The following PRKCA variants were observed in gnomAD, a reference collection of about 807,000 sequenced individuals.
The protein encoded by PRKCA is protein kinase C alpha type.
A neutral mutation model predicts 87.0 loss-of-function variants in PRKCA; 27 were observed. The observed-to-expected ratio is 0.31, with a 90% CI of 0.23 to 0.43. The LOEUF (loss-of-function observed/expected upper bound fraction) is 0.43, where lower values mean the gene tolerates loss of function less well. Among genes scored for constraint, PRKCA ranks in the 20% least tolerant of loss-of-function variants. The pLI is 1.00. For missense variants in PRKCA, 518 were observed against 852.3 expected (o/e 0.61, Z 4.88); for synonymous variants, 329 against 311.1 (o/e 1.06, Z -0.61).
At chr17:66,798,460 GGTGGT>G (rs1975741805) in intron 16 of PRKCA, among the ~76,000 whole-genome samples, 1 of 75,378 alleles carries the variant, frequency 1.3e-5, no homozygotes, top group Non-Finnish European at 2.6e-5. Flanking sequence ...TGACGGTGGT[GGTGGT>G]GGTGGTGGTG....
intron 8 of PRKCA, among the ~76,000 whole-genome samples, chr17:66,690,370 G>T (rs1319246956): frequency 6.6e-6 from 1 of 152,170 alleles, no homozygotes; most frequent in East Asian, 1.9e-4. Flanking sequence ...GTAAGCTTCA[G>T]CTCTGTCTGC....
chr17:66,480,225 T>G (rs924107882), intron 2 of PRKCA, among the ~76,000 whole-genome samples: 3 of 152,176 alleles, frequency 2.0e-5, no homozygotes, highest in African/African-American at 7.2e-5. Context: ...TTTTCCCCAG[T>G]TGCTCTCCAC....
intron 16 of PRKCA, among the ~76,000 whole-genome samples, chr17:66,794,578 A>C (rs67900763): frequency 0.16 from 23,903 of 148,342 alleles, 2,005 homozygotes; most frequent in African/African-American, 0.2. Flanking sequence ...ACATTTTAGC[A>C]TGTTCGTGTT....
intron 3 of PRKCA, among the ~76,000 whole-genome samples, chr17:66,505,619 G>A (rs1249727745): frequency 6.6e-6 from 1 of 152,134 alleles, no homozygotes; most frequent in East Asian, 1.9e-4. Flanking sequence ...ATTGTCTCGG[G>A]AGGCAGACAA....
At chr17:66,659,049 C>T (rs1446419709) in intron 5 of PRKCA, among the ~76,000 whole-genome samples, 1 of 152,206 alleles carries the variant, frequency 6.6e-6, no homozygotes, top group Non-Finnish European at 1.5e-5. Flanking sequence ...ATGGCTTAAC[C>T]TCTCTTTGTT....
chr17:66,506,119 A>C (rs1404925748), intron 3 of PRKCA, among the ~76,000 whole-genome samples: 1 of 152,106 alleles, frequency 6.6e-6, no homozygotes, highest in Non-Finnish European at 1.5e-5. Flanking sequence ...AACATGGTGA[A>C]ACTCCATCTC....
chr17:66,726,619 G>A (rs1973755729), intron 8 of PRKCA, among the ~76,000 whole-genome samples: 1 of 152,084 alleles, frequency 6.6e-6, no homozygotes, highest in Non-Finnish European at 1.5e-5. Flanking sequence ...GGAGTGGTGG[G>A]AAATAAGCCG....
At chr17:66,573,697 T>C (rs1034345802) in intron 3 of PRKCA, among the ~76,000 whole-genome samples, 5 of 152,246 alleles carry the variant, frequency 3.3e-5, no homozygotes, top group Non-Finnish European at 7.3e-5. Context: ...TTTGTTGTTG[T>C]TTTTAACAAG....
chr17:66,544,332 C>G (rs965282302), intron 3 of PRKCA, among the ~76,000 whole-genome samples: 14 of 152,132 alleles, frequency 9.2e-5, no homozygotes, highest in African/African-American at 3.4e-4. Context: ...CACTAGTATT[C>G]TAGGTCACCA....
intron 2 of PRKCA, among the ~76,000 whole-genome samples, chr17:66,463,388 T>G (rs979060418): frequency 4.0e-5 from 6 of 151,866 alleles, no homozygotes; most frequent in African/African-American, 1.5e-4. Flanking sequence ...CTGTGTTTTT[T>G]TTTTTTTAAA....
At chr17:66,416,791 A>G (rs567843184) in intron 2 of PRKCA, 1 of 152,314 alleles carries the variant, frequency 6.6e-6, no homozygotes, top group East Asian at 1.9e-4. Context: ...CTGTGTGTGG[A>G]CTGCACACCC....
At chr17:66,627,816 A>G (rs1311082315) in intron 3 of PRKCA, among the ~76,000 whole-genome samples, 1 of 152,198 alleles carries the variant, frequency 6.6e-6, no homozygotes, top group African/African-American at 2.4e-5. Context: ...TCCCCCCCCA[A>G]AAAATTGAAC....
At chr17:66,588,219 C>T (rs914139225) in intron 3 of PRKCA, among the ~76,000 whole-genome samples, 32 of 152,062 alleles carry the variant, frequency 2.1e-4, no homozygotes, top group Admixed American at 6.6e-4. Flanking sequence ...GAAGGTTAAA[C>T]ACCTTTTCAT....
At chr17:66,734,667 G>A (rs1973982072) in intron 9 of PRKCA, among the ~76,000 whole-genome samples, 3 of 152,214 alleles carry the variant, frequency 2.0e-5, no homozygotes, top group Non-Finnish European at 4.4e-5. Context: ...CTCATCCTGC[G>A]ACTAAGAATG....
chr17:66,738,687 A>C, intron 10 of PRKCA, 77 bp from the exon 11 acceptor site: 1 of 1,186,896 alleles, frequency 8.4e-7, no homozygotes, highest in Non-Finnish European at 1.2e-6. Flanking sequence ...GAGAAAGCAA[A>C]ACACAACCTG....
chr17:66,374,511 T>C (rs1171132513), intron 2 of PRKCA, among the ~76,000 whole-genome samples: 1 of 152,128 alleles, frequency 6.6e-6, no homozygotes, highest in Admixed American at 6.5e-5. Context: ...GGAGACTTGC[T>C]ATCTGATTTC....
intron 1 of PRKCA, among the ~76,000 whole-genome samples, chr17:66,303,914 C>G (rs1330437595): frequency 6.6e-6 from 1 of 152,128 alleles, no homozygotes. Flanking sequence ...ACGGGAGACT[C>G]GCTTGAACCC....
At chr17:66,550,868 G>C (rs562835378) in intron 3 of PRKCA, among the ~76,000 whole-genome samples, 1 of 152,210 alleles carries the variant, frequency 6.6e-6, no homozygotes, top group Non-Finnish European at 1.5e-5. Flanking sequence ...GCATGTAAGA[G>C]TGGGGAGCTG....
intron 3 of PRKCA, among the ~76,000 whole-genome samples, chr17:66,565,917 C>T (rs944585951): frequency 6.6e-6 from 1 of 152,132 alleles, no homozygotes; most frequent in African/African-American, 2.4e-5. Flanking sequence ...TTGACTACCA[C>T]AGCCCTAGTC....
Sources: gnomAD v4.1 joint callset for allele counts (sites outside exome capture counted in the v4.1 genomes callset) on GRCh38, gnomAD v4.1.1 for gene constraint, MANE v1.5 for transcripts, NCBI Gene and HGNC (gene_info 2026-07-23, HGNC 2026-07-21) for gene names.